Variants in SGMS1 observed in about 807,000 individuals in gnomAD.
The protein encoded by SGMS1 is phosphatidylcholine:ceramide cholinephosphotransferase 1.
SGMS1 carries 13 observed loss-of-function variants against 46.2 expected under a neutral mutation model. The observed-to-expected ratio is 0.28, with a 90% CI of 0.18 to 0.45. SGMS1 has a LOEUF of 0.45. Among genes scored for constraint, SGMS1 ranks in the 20% least tolerant of loss-of-function variants. SGMS1 has a pLI of 1.00. For synonymous variants in SGMS1, 203 were observed against 187.8 expected (o/e 1.08, Z -0.66); for missense variants, 324 against 519.9 (o/e 0.62, Z 3.66).
chr10:50,347,369 A>G (rs927862169), intron 6 of SGMS1, among the ~76,000 whole-genome samples: 4 of 152,216 alleles, frequency 2.6e-5, no homozygotes, highest in African/African-American at 7.2e-5. Flanking sequence ...CGCAAGGAGA[A>G]TAAGATGGGC....
intron 6 of SGMS1, among the ~76,000 whole-genome samples, chr10:50,346,356 TA>T (rs1218732790): frequency 3.3e-5 from 5 of 151,960 alleles, no homozygotes; most frequent in Non-Finnish European, 7.4e-5. Context: ...CATCTCACTA[TA>T]AAAAAAACTC....
intron 7 of SGMS1, among the ~76,000 whole-genome samples, chr10:50,332,476 G>A (rs564882297): frequency 2.0e-5 from 3 of 152,196 alleles, no homozygotes; most frequent in Admixed American, 6.5e-5. Context: ...TTCTGTGGAA[G>A]CTAACTAACT....
chr10:50,344,688 TGAA>T (rs1847886535), intron 6 of SGMS1, among the ~76,000 whole-genome samples: 1 of 151,858 alleles, frequency 6.6e-6, no homozygotes, highest in Non-Finnish European at 1.5e-5. Flanking sequence ...GCTAACACGG[TGAA>T]ACCCTGTCTC....
At chr10:50,526,442 G>A (rs904126345) in intron 2 of SGMS1, among the ~76,000 whole-genome samples, 1 of 152,158 alleles carries the variant, frequency 6.6e-6, no homozygotes. Context: ...AGATTTGGGT[G>A]TGGACACAGA....
At chr10:50,542,262 G>A (rs996227834) in intron 2 of SGMS1, among the ~76,000 whole-genome samples, 2 of 152,026 alleles carry the variant, frequency 1.3e-5, no homozygotes, top group Non-Finnish European at 2.9e-5. Flanking sequence ...TCAAAAAATG[G>A]CCGGAAGCAT....
At chr10:50,372,253 T>C (rs972118542) in intron 6 of SGMS1, among the ~76,000 whole-genome samples, 2 of 152,224 alleles carry the variant, frequency 1.3e-5, no homozygotes, top group African/African-American at 4.8e-5. Flanking sequence ...AACATACTTA[T>C]TAAATCTAGA....
chr10:50,460,759 A>C lies in SGMS1; in HGVS notation c.-399T>G, dbSNP rs1181897049. 2.0e-5 allele frequency: 3 copies of C among 152,356 alleles called. No homozygotes were observed. Among genetic ancestry groups the C allele is most frequent in the East Asian group, 1.9e-4 (1 of 5,330 alleles). The allele number at this position is 152,356 out of a possible 1,614,324, so 9.4% of individuals were successfully genotyped here. ...TTGCTGAGGCAGGTTCTCGTCTTCT[A>C]TTTCATGTTTCCCAACCAGACACTT... is the stretch of plus-strand genomic sequence containing the variant. On this transcript the variant is annotated 5_prime_UTR_variant, in exon 5 of 11. The change abolishes the stop of an existing upstream ORF in the 5' untranslated region. Transcript: ENST00000361781.
chr10:50,391,839 T>TA (rs1471122798), intron 6 of SGMS1, among the ~76,000 whole-genome samples: 2 of 126,310 alleles, frequency 1.6e-5, no homozygotes, highest in South Asian at 5.0e-4. Context: ...TATGCAATCA[T>TA]TAAAAAAAAA....
At chr10:50,506,845 C>T (rs897623476) in intron 3 of SGMS1, among the ~76,000 whole-genome samples, 2 of 152,222 alleles carry the variant, frequency 1.3e-5, no homozygotes, top group Non-Finnish European at 2.9e-5. Flanking sequence ...AGGTGCTTCA[C>T]GCACATGACC....
At chr10:50,428,155 A>G (rs1422480726) in intron 6 of SGMS1, among the ~76,000 whole-genome samples, 1 of 152,124 alleles carries the variant, frequency 6.6e-6, no homozygotes, top group African/African-American at 2.4e-5. Flanking sequence ...GCTTAATACT[A>G]GTTCCTGTCT....
At chr10:50,526,754 A>C (rs1464898168) in intron 2 of SGMS1, among the ~76,000 whole-genome samples, 2 of 152,132 alleles carry the variant, frequency 1.3e-5, no homozygotes, top group Non-Finnish European at 2.9e-5. Context: ...CAATGAGAGT[A>C]ATATAACTTC....
chr10:50,579,032 T>C (rs546342705), intron 2 of SGMS1, among the ~76,000 whole-genome samples: 1 of 151,514 alleles, frequency 6.6e-6, no homozygotes, highest in South Asian at 2.1e-4. Context: ...TTGAAGGAAA[T>C]AAAAACTATG....
intron 3 of SGMS1, among the ~76,000 whole-genome samples, chr10:50,514,210 C>G (rs1215390298): frequency 6.6e-6 from 1 of 152,154 alleles, no homozygotes; most frequent in African/African-American, 2.4e-5. Context: ...TTTTTCCAAA[C>G]TCATAAAAGG....
At chr10:50,491,554 C>G (rs895308612) in intron 3 of SGMS1, among the ~76,000 whole-genome samples, 4 of 152,128 alleles carry the variant, frequency 2.6e-5, no homozygotes, top group Non-Finnish European at 5.9e-5. Flanking sequence ...CTGTCATAAA[C>G]TAGAAAATCT....
At chr10:50,588,747 T>TTTTTTG (rs1838510854) in intron 2 of SGMS1, among the ~76,000 whole-genome samples, 1 of 147,548 alleles carries the variant, frequency 6.8e-6, no homozygotes, top group African/African-American at 2.5e-5. Flanking sequence ...TTTTTTTTTT[T>TTTTTTG]GAGACAGGGT....
intron 7 of SGMS1, among the ~76,000 whole-genome samples, chr10:50,329,507 G>T (rs556530483): frequency 6.6e-6 from 1 of 152,220 alleles, no homozygotes; most frequent in South Asian, 2.1e-4. Flanking sequence ...AATGTCTTTG[G>T]CGTATAATGT....
intron 6 of SGMS1, among the ~76,000 whole-genome samples, chr10:50,377,840 G>A (rs915852113): frequency 1.3e-5 from 2 of 152,094 alleles, no homozygotes; most frequent in East Asian, 1.9e-4. Context: ...GGCATTCTTC[G>A]ATTTGTGGCC....
intron 4 of SGMS1, among the ~76,000 whole-genome samples, chr10:50,462,116 A>G (rs754067704): frequency 1.3e-5 from 2 of 152,078 alleles, no homozygotes; most frequent in Non-Finnish European, 2.9e-5. Context: ...AAAAAAAATA[A>G]CAATGCACAG....
At chr10:50,328,757 G>T (rs1847568906) in intron 7 of SGMS1, among the ~76,000 whole-genome samples, 1 of 152,130 alleles carries the variant, frequency 6.6e-6, no homozygotes. Flanking sequence ...AATTTATTCA[G>T]CATAAAGCTG....
Sources: gnomAD v4.1 joint callset for allele counts (sites outside exome capture counted in the v4.1 genomes callset) on GRCh38, gnomAD v4.1.1 for gene constraint, MANE v1.5 for transcripts, NCBI Gene and HGNC (gene_info 2026-07-23, HGNC 2026-07-21) for gene names.